Variants in SCNN1B observed in about 807,000 individuals in gnomAD.
SCNN1B encodes sodium channel epithelial 1 subunit beta, also known as epithelial sodium channel subunit beta.
A neutral mutation model predicts 65.3 loss-of-function variants in SCNN1B; 46 were observed. That is an observed-to-expected ratio of 0.70 (90% CI 0.56 to 0.90). The LOEUF (loss-of-function observed/expected upper bound fraction) is 0.90, where lower values mean the gene tolerates loss of function less well. Ranked by LOEUF, SCNN1B falls within the 40% of genes least tolerant of loss-of-function variation. The pLI, the probability that SCNN1B is intolerant of heterozygous loss-of-function variation, is 0.00. For missense variants in SCNN1B, 751 were observed against 830.5 expected (o/e 0.90, Z 1.18); for synonymous variants, 349 against 330.6 (o/e 1.06, Z -0.60).
chr16:23,380,365 G>A lies in SCNN1B; in HGVS notation c.1543-56G>A. 1 of 1,612,818 alleles carries A rather than the reference G, an allele frequency of 6.2e-7. No individual in the cohort carries two copies. The highest frequency in any genetic ancestry group is 1.3e-5 in the African/African-American group (1 of 75,054). ...TCACCTCCCAGGAAGCTGTGAGGCTGGGCTAGAGGCAAGAATGTGTGGCCT... is the reference window on the plus strand; with the variant it reads ...TCACCTCCCAGGAAGCTGTGAGGCTAGGCTAGAGGCAAGAATGTGTGGCCT... On this transcript the variant is annotated intron_variant, in intron 12 of 12. Transcript: ENST00000343070. The surrounding 1 kb of genome is among the most constrained non-coding windows in gnomAD (Gnocchi z 5.4).
chr16:23,316,028 A>ATCGCCATCC (rs1961448329), intron 1 of SCNN1B, among the ~76,000 whole-genome samples: 2 of 145,994 alleles, frequency 1.4e-5, no homozygotes, highest in African/African-American at 2.6e-5. Flanking sequence ...CATCATCACC[A>ATCGCCATCC]TCACCATCGC....
intron 1 of SCNN1B, among the ~76,000 whole-genome samples, chr16:23,278,811 G>A (rs1960742203): frequency 6.6e-6 from 1 of 151,888 alleles, no homozygotes; most frequent in Admixed American, 6.6e-5. Flanking sequence ...TTGATTGCAT[G>A]CACCTGTAGT....
intron 1 of SCNN1B, among the ~76,000 whole-genome samples, chr16:23,328,825 T>C (rs1961749680): frequency 6.6e-6 from 1 of 152,184 alleles, no homozygotes; most frequent in African/African-American, 2.4e-5. Flanking sequence ...AGACAGGGTC[T>C]CGCTCTGTCA....
chr16:23,371,808 C>G lies in SCNN1B; in HGVS notation c.1077C>G (p.Ser359Arg). Residue 359 changes from serine to arginine, a missense_variant, in exon 7 of 13, where the codon AGC (serine) becomes AGG (arginine). Physicochemically the swap from Ser to Arg is moderately radical, Grantham distance 110 (BLOSUM62 -1). Coordinates refer to ENST00000343070, the MANE Select transcript of SCNN1B (RefSeq NM_000336.3). Reference protein sequence around the residue: ...DKLQRMGEPYSPCTVNGSEVP... With the variant: ...DKLQRMGEPYRPCTVNGSEVP... ...TTCAGCGCATGGGGGAGCCCTACAG[C>G]CCGTGCACCGTGAATGGTTCTGAGG... The G allele has an allele frequency of 6.2e-7, 1 of 1,614,184 alleles. No homozygotes were observed. Among genetic ancestry groups the G allele is most frequent in the Non-Finnish European group, 8.5e-7 (1 of 1,179,974 alleles).
intron 1 of SCNN1B, among the ~76,000 whole-genome samples, chr16:23,306,452 G>A (rs1045877207): frequency 9.2e-5 from 14 of 152,006 alleles, no homozygotes; most frequent in African/African-American, 3.4e-4. Flanking sequence ...TGATAATGGT[G>A]GTGTTATCAG....
chr16:23,288,499 C>T (rs751083061), intron 2 of SCNN1B, among the ~76,000 whole-genome samples: 1 of 152,270 alleles, frequency 6.6e-6, no homozygotes, highest in Middle Eastern at 3.4e-3. Context: ...TCTCATGGTG[C>T]TGTGATCAAG....
chr16:23,362,323 C>T (rs972883653), intron 4 of SCNN1B, among the ~76,000 whole-genome samples: 4 of 135,626 alleles, frequency 2.9e-5, no homozygotes. Flanking sequence ...CCAGCCTGAG[C>T]AATCTCAAAA....
intron 2 of SCNN1B, among the ~76,000 whole-genome samples, chr16:23,284,911 T>A (rs1468425224): frequency 6.6e-6 from 1 of 152,182 alleles, no homozygotes; most frequent in Non-Finnish European, 1.5e-5. Flanking sequence ...GCCTGGGGCA[T>A]CTTGTTGGGC....
At chr16:23,366,130 G>A (rs990669640) in intron 4 of SCNN1B, among the ~76,000 whole-genome samples, 3 of 152,188 alleles carry the variant, frequency 2.0e-5, no homozygotes, top group Admixed American at 2.0e-4. Context: ...TGCATGGCAG[G>A]TGACGTTTTA....
chr16:23,345,956 G>A (rs906944558), intron 1 of SCNN1B, among the ~76,000 whole-genome samples: 4 of 152,094 alleles, frequency 2.6e-5, no homozygotes, highest in Admixed American at 6.5e-5. Flanking sequence ...TGCTCCTGCC[G>A]CAGGTTCCTG....
Position 23,352,920 on chromosome 16 carries a change from T to G in SCNN1B, c.431T>G (p.Ile144Ser). The change falls in exon 3 of 13, where the codon ATC (isoleucine) becomes AGC (serine). Residue 144 changes from isoleucine to serine, a missense_variant. Physicochemically the swap from Ile to Ser is moderately radical, Grantham distance 142. Transcript: ENST00000343070. ...ANATRNLNFS[I>S]WNHTPLVLID... ...GCCACCAGGAACCTGAACTTCTCCA[T>G]CTGGAACCACACACCCCTGGTCCTT... is the stretch of plus-strand genomic sequence containing the variant. The G allele has an allele frequency of 6.2e-7, 1 of 1,614,150 alleles. No individual in the cohort carries two copies. Among genetic ancestry groups the G allele is most frequent in the East Asian group, 2.2e-5 (1 of 44,882 alleles).
Position 23,377,358 on chromosome 16 carries a change from T to C in SCNN1B, c.1376T>C (p.Met459Thr), listed in dbSNP as rs201369319. 313 of 1,614,086 alleles carry C rather than the reference T, an allele frequency of 1.9e-4. 1 individual carries two copies. The highest frequency in any genetic ancestry group is 2.5e-4 in the Admixed American group (15 of 60,010). The change falls in exon 10 of 13, where the codon ATG (methionine) becomes ACG (threonine). Residue 459 changes from methionine (M) to threonine (T), a missense_variant. By Grantham distance (81) the Met-to-Thr change is moderately conservative. Transcript: ENST00000343070. Reference sequence around the variant, plus strand: ...ACCCAGTACAAGATGACCATCTCCATGGCTGACTGGCCTTCTGAGGCCTCC... The same window carrying C: ...ACCCAGTACAAGATGACCATCTCCACGGCTGACTGGCCTTCTGAGGCCTCC... ...NDTQYKMTIS[M>T]ADWPSEASED...
intron 1 of SCNN1B, among the ~76,000 whole-genome samples, chr16:23,328,774 G>A (rs1370481688): frequency 6.6e-6 from 1 of 152,108 alleles, no homozygotes; most frequent in Non-Finnish European, 1.5e-5. Flanking sequence ...TATACCTTGA[G>A]CGTTTATTTT....
At chr16:23,340,499 G>T (rs1167614253) in intron 1 of SCNN1B, among the ~76,000 whole-genome samples, 1 of 152,034 alleles carries the variant, frequency 6.6e-6, no homozygotes, top group Non-Finnish European at 1.5e-5. Flanking sequence ...AAAAAATATG[G>T]ACAACTACTT....
At chr16:23,354,790 G>A (rs1276491069) in intron 3 of SCNN1B, among the ~76,000 whole-genome samples, 1 of 152,180 alleles carries the variant, frequency 6.6e-6, no homozygotes, top group African/African-American at 2.4e-5. Context: ...GGCTAGGATG[G>A]ATGTGTGTTA....
chr16:23,280,223 T>C (rs573217976), intron 1 of SCNN1B, among the ~76,000 whole-genome samples: 1 of 152,074 alleles, frequency 6.6e-6, no homozygotes, highest in South Asian at 2.1e-4. Context: ...TTTATTTTTT[T>C]AATTTTAATT....
At chr16:23,304,248 T>G (rs1391089738) in intron 1 of SCNN1B, 2 of 588,104 alleles carry the variant, frequency 3.4e-6, no homozygotes, top group East Asian at 6.2e-5. Context: ...GACCCATGAA[T>G]GCATGCACAC....
intron 1 of SCNN1B, among the ~76,000 whole-genome samples, chr16:23,322,859 C>T (rs907068678): frequency 4.6e-5 from 7 of 152,000 alleles, no homozygotes; most frequent in African/African-American, 1.2e-4. Context: ...GTGGTCTTAA[C>T]TCCATCCACA....
At chr16:23,316,452 T>TCACCATCAC (rs1265588991) in intron 1 of SCNN1B, among the ~76,000 whole-genome samples, 1 of 145,266 alleles carries the variant, frequency 6.9e-6, no homozygotes, top group African/African-American at 2.6e-5. Context: ...ATCATCATCA[T>TCACCATCAC]CACCATCACC....
Sources: allele counts gnomAD v4.1 joint callset (sites outside exome capture counted in the v4.1 genomes callset), GRCh38; gene constraint gnomAD v4.1.1; non-coding constraint Gnocchi (gnomAD v3.1); transcripts MANE v1.5; gene names NCBI Gene and HGNC (gene_info 2026-07-23, HGNC 2026-07-21).